CFAP92: variants seen among roughly 807,000 people sequenced by gnomAD.
The protein encoded by CFAP92 is uncharacterized protein CFAP92.
CFAP92 carries 86 observed loss-of-function variants against 106.3 expected under a neutral mutation model. The observed-to-expected ratio is 0.81, with a 90% confidence interval of 0.68 to 0.97. The LOEUF (loss-of-function observed/expected upper bound fraction) is 0.97, where lower values mean the gene tolerates loss of function less well. Among genes scored for constraint, CFAP92 ranks in the 50% least tolerant of loss-of-function variants. The pLI is 0.00. For synonymous variants in CFAP92, 477 were observed against 506.4 expected (o/e 0.94, Z 0.78); for missense variants, 1,204 against 1,283.8 (o/e 0.94, Z 0.95).
intron 10 of CFAP92, 129 bp from the exon 11 acceptor site, chr3:128,935,448 ACGC>A (rs780712679): frequency 4.8e-5 from 27 of 565,990 alleles, no homozygotes; most frequent in Non-Finnish European, 7.8e-5. Context: ...ATGGTGACTC[ACGC>A]CTATAATCCC....
Position 128,945,929 on chromosome 3 carries a change from G to A in CFAP92, c.1400C>T (p.Pro467Leu), listed in dbSNP as rs1940173468. 2 of 1,450,728 alleles carry A rather than the reference G, an allele frequency of 1.4e-6. No homozygotes were observed. Among genetic ancestry groups the A allele is most frequent in the African/African-American group, 1.4e-5 (1 of 69,978 alleles). 89.9% of individuals were successfully genotyped at this position (1,450,728 alleles called of 1,614,324 possible). ...GGGCTCCCCCTTGGTCTTGTGAACT[G>A]GAGTCTTATGGAACTGGTACTTGCA... ...VYCKYQFHKT[P>L]VHKTKGEPHG... Residue 467 changes from proline (P) to leucine (L), a missense_variant, in exon 10 of 16, where the codon CCA becomes CTA. Coordinates refer to ENST00000645291, the MANE Select transcript of CFAP92 (RefSeq NM_001394090.1).
chr3:129,021,959 T>C, the CFAP92 span, among the ~76,000 whole-genome samples: 1 of 152,174 alleles, frequency 6.6e-6, no homozygotes, highest in Non-Finnish European at 1.5e-5. Context: ...AGGGCCATTG[T>C]AGAAAGAGGG....
intron 12 of CFAP92, among the ~76,000 whole-genome samples, chr3:128,916,894 A>G (rs973255378): frequency 2.0e-5 from 3 of 152,228 alleles, no homozygotes; most frequent in Non-Finnish European, 2.9e-5. Context: ...GGCACTGTGC[A>G]GTGTTTCATA....
intron 15 of CFAP92, 113 bp from the exon 16 acceptor site, chr3:128,910,446 CTG>C (rs1161209879): frequency 9.5e-7 from 1 of 1,054,804 alleles, no homozygotes; most frequent in Non-Finnish European, 1.3e-6. Flanking sequence ...GGTGCAGTCT[CTG>C]AGGACCCACT....
chr3:128,978,127 G>A lies in CFAP92; in HGVS notation c.726C>T (p.Thr242=), dbSNP rs1943279660. 1.9e-6 allele frequency: 3 copies of A among 1,613,770 alleles called. No individual in the cohort carries two copies. Among genetic ancestry groups the A allele is most frequent in the South Asian group, 2.2e-5 (2 of 91,062 alleles). ...RKLSEQGIEN[T]NIVREESNQE... ...GGTTCGACTCTTCTCTGACAATGTT[G>A]GTATTCTCAATGCCCTGTTCAGATA... Residue 242 remains threonine (T), a synonymous_variant, in exon 5 of 16, where the codon ACC becomes ACT. Coordinates refer to ENST00000645291, the MANE Select transcript of CFAP92 (RefSeq NM_001394090.1).
intron 8 of CFAP92, chr3:128,967,509 C>T (rs1255381343): frequency 6.6e-6 from 1 of 152,232 alleles, no homozygotes; most frequent in Admixed American, 6.5e-5. Context: ...TGAGACCAGC[C>T]TGACCAAAAT....
At chr3:128,939,893 G>A (rs1363826674) in intron 10 of CFAP92, among the ~76,000 whole-genome samples, 5 of 152,332 alleles carry the variant, frequency 3.3e-5, no homozygotes, top group East Asian at 1.9e-4. Context: ...GACAGGTGGC[G>A]AAGCTCAGGC....
At chr3:128,919,265 CA>C (rs1937073333) in intron 12 of CFAP92, among the ~76,000 whole-genome samples, 1 of 150,924 alleles carries the variant, frequency 6.6e-6, no homozygotes, top group Non-Finnish European at 1.5e-5. Flanking sequence ...TTCAAGCTAA[CA>C]ATATGCTATC....
chr3:128,995,525 C>A (rs928401693), upstream of CFAP92, among the ~76,000 whole-genome samples: 1 of 152,164 alleles, frequency 6.6e-6, no homozygotes, highest in Admixed American at 6.5e-5. Context: ...CACCAGCCCC[C>A]AAAAGGGCCC....
At position 128,945,108 on chromosome 3, in the gene CFAP92, G is replaced by A; in HGVS notation, c.2221C>T (p.Gln741Ter). 6.5e-7 allele frequency: 1 copy of A among 1,533,618 alleles called. No homozygotes were observed. Among genetic ancestry groups the A allele is most frequent in the East Asian group, 2.4e-5 (1 of 40,854 alleles). ...HLFILEGLAD[Q>*]GLRQLWENHQ... is the part of the protein sequence containing the mutation. ...TTCTCCCACAGCTGCCTCAAGCCTT[G>A]GTCGGCCAGGCCTTCCAGGATGAAA... is the stretch of plus-strand genomic sequence containing the variant. The change falls in exon 10 of 16, where the codon CAA becomes TAA. Residue 741 changes from glutamine (Q) to a stop codon, truncating the protein, a stop_gained. Transcript: ENST00000645291. LOFTEE classifies it high-confidence loss of function.
At chr3:128,935,918 C>G (rs997078488) in intron 10 of CFAP92, among the ~76,000 whole-genome samples, 1 of 152,062 alleles carries the variant, frequency 6.6e-6, no homozygotes, top group African/African-American at 2.4e-5. Context: ...AGAAAAAAAA[C>G]AAAAGGAATA....
chr3:129,006,321 CGTTT>C (rs1348517816), upstream of CFAP92, among the ~76,000 whole-genome samples: 4 of 152,056 alleles, frequency 2.6e-5, no homozygotes, highest in Non-Finnish European at 4.4e-5. Flanking sequence ...GTTTTTTGTT[CGTTT>C]GTTTGTTTTT....
chr3:128,920,432 TAA>T (rs1937175716), intron 12 of CFAP92, among the ~76,000 whole-genome samples: 1 of 152,048 alleles, frequency 6.6e-6, no homozygotes, highest in African/African-American at 2.4e-5. Flanking sequence ...TAATTATGAT[TAA>T]TCAAAATAAA....
At chr3:128,925,917 G>A (rs1315970294) in intron 12 of CFAP92, among the ~76,000 whole-genome samples, 2 of 152,142 alleles carry the variant, frequency 1.3e-5, no homozygotes, top group Non-Finnish European at 2.9e-5. Context: ...TAACTGCCAA[G>A]CTAGAATTCT....
rs541092603 is a variant in CFAP92, at chr3:129,001,166, A to AC, written n.117+1407dup. On this transcript the variant is annotated intron_variant and non_coding_transcript_variant, in intron 1 of 4. Transcript: ENST00000510149. ...TCCCCAGCAACCGGACGAGGCCGCC[A>AC]CCCCCAAGGCCCTCCTGGGCTTCGG... is the stretch of plus-strand genomic sequence containing the variant. 3.3e-5 allele frequency among the ~76,000 whole-genome samples: 5 copies of AC among 152,080 alleles called. No individual in the cohort carries two copies. In the East Asian group the frequency reaches 7.8e-4, roughly 24 times the overall value.
the CFAP92 span, among the ~76,000 whole-genome samples, chr3:129,023,394 T>C: frequency 6.6e-6 from 1 of 151,600 alleles, no homozygotes; most frequent in East Asian, 1.9e-4. Flanking sequence ...AGTGGTGCGA[T>C]CTTGGCTCAC....
the CFAP92 span, among the ~76,000 whole-genome samples, chr3:129,017,354 C>T: frequency 1.3e-5 from 2 of 152,250 alleles, no homozygotes; most frequent in Non-Finnish European, 2.9e-5. Context: ...CCGATCACCA[C>T]ACTCTTAGTG....
At chr3:128,939,067 A>G (rs1203040222) in intron 10 of CFAP92, among the ~76,000 whole-genome samples, 1 of 152,134 alleles carries the variant, frequency 6.6e-6, no homozygotes, top group Non-Finnish European at 1.5e-5. Flanking sequence ...CTTTCCTATG[A>G]AAACAATTAT....
intron 10 of CFAP92, among the ~76,000 whole-genome samples, chr3:128,935,726 A>C (rs1938938333): frequency 6.6e-6 from 1 of 151,980 alleles, no homozygotes; most frequent in African/African-American, 2.4e-5. Flanking sequence ...ACAAAAACAA[A>C]ACAAAAAAAC....
Sources: gnomAD v4.1 joint callset for allele counts (sites outside exome capture counted in the v4.1 genomes callset) on GRCh38, gnomAD v4.1.1 for gene constraint, MANE v1.5 for transcripts, NCBI Gene and HGNC (gene_info 2026-07-23, HGNC 2026-07-21) for gene names.